KCP: variants seen among roughly 807,000 people sequenced by gnomAD.
KCP encodes kielin cysteine rich BMP regulator.
In KCP, 194 loss-of-function variants were observed where a neutral mutation model predicts 212.7. The ratio of observed to expected loss-of-function variants is 0.91; its 90% confidence interval spans 0.81 to 1.03. The LOEUF is 1.03. Among genes scored for constraint, KCP ranks in the 50% least tolerant of loss-of-function variants. KCP has a pLI of 0.00. For synonymous variants in KCP, 833 were observed against 865.3 expected (o/e 0.96, Z 0.65); for missense variants, 2,080 against 2,162.5 (o/e 0.96, Z 0.76).
chr7:128,891,371 C>T (rs942509392), intron 18 of KCP, 80 bp downstream of exon 18: 32 of 1,546,796 alleles, frequency 2.1e-5, no homozygotes, highest in Non-Finnish European at 2.8e-5. Flanking sequence ...CCCACCCCTC[C>T]CACCTGGGCG....
chr7:128,891,240 C>T lies in KCP; in HGVS notation c.1917G>A (p.Pro639=), dbSNP rs1563035673. 6.5e-7 allele frequency: 1 copy of T among 1,546,758 alleles called. No homozygotes were observed. Among genetic ancestry groups the T allele is most frequent in the Non-Finnish European group, 8.7e-7 (1 of 1,146,616 alleles). The part of the protein sequence containing the change: ...NVQCLARRCV[P]LPCPEPVLLP... ...GCAGGACAGGCTCTGGACAGGGCAG[C>T]GGCACGCAGCGGCGGGCCAGGCACT... Residue 639 remains proline (P), a synonymous_variant, in exon 19 of 40, where the codon CCG becomes CCA. Coordinates refer to ENST00000610776, the MANE Select transcript of KCP (RefSeq NM_001366122.1).
rs992236366 is a variant in KCP at position 128,890,971 on chromosome 7, G to T, written c.2098C>A (p.Arg700=). The T allele has an allele frequency of 2.3e-6, 3 of 1,279,344 alleles. No homozygotes were observed. Among genetic ancestry groups the T allele is most frequent in the South Asian group, 2.9e-5 (1 of 34,394 alleles). The allele number at this position is 1,279,344 out of a possible 1,614,324, so 79.2% of individuals were successfully genotyped here. The change falls in exon 20 of 40, where the codon CGG becomes AGG. Residue 700 remains arginine, a synonymous_variant. Coordinates refer to ENST00000610776, the MANE Select transcript of KCP (RefSeq NM_001366122.1). Reference sequence around the variant, plus strand: ...CAGGGCGCGGGCGGGCAGGGCAGCCGCTGGCAGGACACGGAGCCGTCGAGG... The same window carrying T: ...CAGGGCGCGGGCGGGCAGGGCAGCCTCTGGCAGGACACGGAGCCGTCGAGG... ...LCLDGSVSCQ[R]LPCPPAPCAH...
rs1305401652 is a variant in KCP at position 128,903,707 on chromosome 7, G to A, written c.748+20C>T. On this transcript the variant is annotated intron_variant, in intron 7 of 39. Coordinates refer to ENST00000610776, the MANE Select transcript of KCP (RefSeq NM_001366122.1). The stretch of plus-strand genomic sequence containing the variant: ...ACAACCTACCTGTGGCTCTACCAGG[G>A]AGGGGCCAGGGGCTCTCACCTTGGC... 2 of 1,524,988 alleles carry A rather than the reference G, an allele frequency of 1.3e-6. No individual in the cohort carries two copies. The highest frequency in any genetic ancestry group is 2.8e-5 in the African/African-American group (2 of 72,262). The allele number at this position is 1,524,988 out of a possible 1,614,324, so 94.5% of individuals were successfully genotyped here.
intron 16 of KCP, among the ~76,000 whole-genome samples, chr7:128,892,313 A>G (rs1475056228): frequency 1.3e-5 from 2 of 152,240 alleles, no homozygotes; most frequent in East Asian, 3.9e-4. Context: ...AGGGTGGTGT[A>G]GGTACAGGCA....
intron 27 of KCP, 108 bp downstream of exon 27, chr7:128,884,989 G>A (rs1006768779): frequency 1.3e-6 from 2 of 1,502,748 alleles, no homozygotes; most frequent in Admixed American, 2.0e-5. Context: ...AAGGACGGAG[G>A]CCACTTCTCC....
At position 128,892,791 on chromosome 7, in the gene KCP, G is replaced by A; in HGVS notation, c.1424C>T (p.Ala475Val). ...PCQHPTQPPG[A>V]CCPSCDSCTY... Reference sequence around the variant, plus strand: ...GCAGCTGTCACAGCTGGGGCAGCAGGCACCTGGGTGGGGCAGGCTGGTCAG... The same window carrying A: ...GCAGCTGTCACAGCTGGGGCAGCAGACACCTGGGTGGGGCAGGCTGGTCAG... The change falls in exon 15 of 40, where the codon GCC becomes GTC. Residue 475 changes from alanine to valine, a missense_variant. Transcript: ENST00000610776. 1 of 1,551,688 alleles carries A rather than the reference G, an allele frequency of 6.4e-7. No individual in the cohort carries two copies. The highest frequency in any genetic ancestry group is 8.7e-7 in the Non-Finnish European group (1 of 1,146,926).
chr7:128,891,320 G>C (rs1445211456), intron 18 of KCP, 42 bp from the exon 19 acceptor site: 2 of 1,547,158 alleles, frequency 1.3e-6, no homozygotes, highest in Non-Finnish European at 1.7e-6. Flanking sequence ...GGGTTAGTTG[G>C]GGGAGGCCGA....
chr7:128,905,022 TC>T (rs1176522543), intron 5 of KCP, among the ~76,000 whole-genome samples: 1 of 151,306 alleles, frequency 6.6e-6, no homozygotes, highest in Admixed American at 6.6e-5. Context: ...GGGTCAGGGG[TC>T]TTTTCTTTGT....
At chr7:128,904,171 C>T in intron 5 of KCP, 33 bp from the exon 6 acceptor site, 1 of 1,543,640 alleles carries the variant, frequency 6.5e-7, no homozygotes, top group Non-Finnish European at 8.8e-7. Flanking sequence ...AAGTGGGTCA[C>T]CAGGCAGCAG....
Position 128,891,647 on chromosome 7 carries a change from G to A in KCP, c.1794C>T (p.Ser598=), listed in dbSNP as rs1261805295. The change falls in exon 17 of 40, where the codon AGC becomes AGT. Residue 598 remains serine (S), a splice_region_variant and synonymous_variant. Coordinates refer to ENST00000610776, the MANE Select transcript of KCP (RefSeq NM_001366122.1). ...GCCGCCCTGACCCGCCCACCTCACC[G>A]CTGCAGTCGTTCGGGCAGCAGGTCC... is the stretch of plus-strand genomic sequence containing the variant. The part of the protein sequence containing the change: ...LPGTCCPNDC[S]GCAFGGKEYP... 11 of 1,466,458 alleles carry A rather than the reference G, an allele frequency of 7.5e-6. No homozygotes were observed. Among genetic ancestry groups the A allele is most frequent in the South Asian group, 1.4e-5 (1 of 70,528 alleles). The allele number at this position is 1,466,458 out of a possible 1,614,324, so 90.8% of individuals were successfully genotyped here.
At chr7:128,909,729 G>A (rs1235593671) in intron 1 of KCP, among the ~76,000 whole-genome samples, 1 of 152,168 alleles carries the variant, frequency 6.6e-6, no homozygotes, top group Non-Finnish European at 1.5e-5. Flanking sequence ...CCGCTGGGAT[G>A]GATCACAAGC....
intron 22 of KCP, among the ~76,000 whole-genome samples, chr7:128,887,615 C>T (rs940443635): frequency 6.8e-6 from 1 of 147,666 alleles, no homozygotes; most frequent in African/African-American, 2.5e-5. Context: ...ACCTACACCC[C>T]CCCACACACA....
Position 128,893,004 on chromosome 7 carries a change from C to T in KCP, c.1285G>A (p.Glu429Lys). ...CACTGGACTCCCTCAGCAAACTCCTCTCCATCCAGCTCACAGGCTGTAGTA... is the reference window on the plus strand; with the variant it reads ...CACTGGACTCCCTCAGCAAACTCCTTTCCATCCAGCTCACAGGCTGTAGTA... ...QLCPACELDG[E>K]EFAEGVQWEP... Residue 429 changes from glutamate (E) to lysine (K), a missense_variant, in exon 14 of 40, where the codon GAG becomes AAG. Physicochemically the swap from Glu to Lys is moderately conservative, Grantham distance 56 (BLOSUM62 1). Transcript: ENST00000610776. The T allele has an allele frequency of 4.2e-6, 4 of 955,156 alleles. No homozygotes were observed. Among genetic ancestry groups the T allele is most frequent in the Non-Finnish European group, 6.6e-6 (4 of 602,090 alleles). The allele number at this position is 955,156 out of a possible 1,614,324, so 59.2% of individuals were successfully genotyped here.
Position 128,902,780 on chromosome 7 carries a change from G to A in KCP, c.828C>T (p.Cys276=), listed in dbSNP as rs1349610256. 8.4e-6 allele frequency: 13 copies of A among 1,551,320 alleles called. No individual in the cohort carries two copies. In the Admixed American group the frequency reaches 2.5e-4, roughly 30 times the overall value. ...CAGGAGCAGCCTCAGGACTCACCAG[G>A]CACCGGCAGATTCGGCAGGGGTCCC... ...TPGDPCRICR[C]LEGHIQCRQR... The change falls in exon 8 of 40, where the codon TGC becomes TGT. Residue 276 remains cysteine (C), a synonymous_variant. Coordinates refer to ENST00000610776, the MANE Select transcript of KCP (RefSeq NM_001366122.1).
At position 128,877,013 on chromosome 7, in the gene KCP, T is replaced by C; in HGVS notation, c.*30A>G. ...GCTCGCCAAGGGGAGACTCCTGGCC[T>C]GATGAACCCTTATCAGGCACTGTCC... On this transcript the variant is annotated 3_prime_UTR_variant, in exon 40 of 40. Coordinates refer to ENST00000610776, the MANE Select transcript of KCP (RefSeq NM_001366122.1). 3 of 1,534,840 alleles carry C rather than the reference T, an allele frequency of 2.0e-6. No homozygotes were observed. Among genetic ancestry groups the C allele is most frequent in the Admixed American group, 2.2e-5 (1 of 45,924 alleles).
At chr7:128,883,875 A>G (rs961489760) in intron 29 of KCP, 127 bp downstream of exon 29, 2 of 1,202,352 alleles carry the variant, frequency 1.7e-6, no homozygotes, top group African/African-American at 1.6e-5. Context: ...CTCGCCGGCC[A>G]GGCATAGGGT....
intron 23 of KCP, 59 bp downstream of exon 23, chr7:128,887,156 G>A: frequency 7.0e-7 from 1 of 1,429,202 alleles, no homozygotes; most frequent in Middle Eastern, 1.7e-4. Flanking sequence ...GCCTCTTCCT[G>A]GCCAGAGAGG....
intron 3 of KCP, 37 bp from the exon 4 acceptor site, chr7:128,907,214 C>T: frequency 6.5e-7 from 1 of 1,545,342 alleles, no homozygotes; most frequent in Non-Finnish European, 8.8e-7. Flanking sequence ...CACCCCATGC[C>T]ATCTGCAGGT....
chr7:128,908,716 G>C, intron 1 of KCP, 148 bp from the exon 2 acceptor site: 1 of 869,942 alleles, frequency 1.1e-6, no homozygotes, highest in Non-Finnish European at 1.7e-6. Context: ...CCAGGGCCGG[G>C]AAGCCAGCAC....
Sources: allele counts gnomAD v4.1 joint callset (sites outside exome capture counted in the v4.1 genomes callset), GRCh38; gene constraint gnomAD v4.1.1; transcripts MANE v1.5; gene names NCBI Gene and HGNC (gene_info 2026-07-23, HGNC 2026-07-21).